The following STK32B variants were observed in gnomAD, a reference collection of about 807,000 sequenced individuals.
STK32B encodes serine/threonine kinase 32B, also known as serine/threonine-protein kinase 32B.
STK32B carries 43 observed loss-of-function variants against 52.6 expected under a neutral mutation model. The observed-to-expected ratio is 0.82, with a 90% CI of 0.64 to 1.05. The LOEUF (loss-of-function observed/expected upper bound fraction) is 1.05. STK32B is among the 50% of genes least tolerant of loss of function. The pLI is 0.00. For synonymous variants in STK32B, 238 were observed against 204.3 expected (o/e 1.17, Z -1.41); for missense variants, 621 against 534.6 (o/e 1.16, Z -1.59).
At chr4:5,446,381 C>G (rs748790076) in intron 6 of STK32B, among the ~76,000 whole-genome samples, 2 of 152,108 alleles carry the variant, frequency 1.3e-5, no homozygotes, top group Non-Finnish European at 2.9e-5. Flanking sequence ...GCCTGGCCAA[C>G]AAGGTGAAAC....
At chr4:5,365,899 G>A (rs887598412) in intron 4 of STK32B, among the ~76,000 whole-genome samples, 4 of 152,158 alleles carry the variant, frequency 2.6e-5, no homozygotes, top group Admixed American at 6.5e-5. Context: ...AAAGGGCAGC[G>A]TGAGAAAGGA....
chr4:5,251,676 T>G (rs1280971036), intron 3 of STK32B, among the ~76,000 whole-genome samples: 1 of 152,232 alleles, frequency 6.6e-6, no homozygotes. Context: ...AGTATGGTCA[T>G]TTTAACAATA....
intron 4 of STK32B, among the ~76,000 whole-genome samples, chr4:5,351,941 T>C (rs1340906239): frequency 6.6e-6 from 1 of 151,984 alleles, no homozygotes; most frequent in African/African-American, 2.4e-5. Flanking sequence ...CAAGTAATGA[T>C]ATTGAATTAG....
chr4:5,229,379 G>A (rs1180556619), intron 3 of STK32B, among the ~76,000 whole-genome samples: 1 of 152,130 alleles, frequency 6.6e-6, no homozygotes, highest in Non-Finnish European at 1.5e-5. Context: ...TAACAAAACT[G>A]CATTGGTACC....
intron 2 of STK32B, among the ~76,000 whole-genome samples, chr4:5,145,526 C>G (rs1296110619): frequency 1.3e-5 from 2 of 152,224 alleles, no homozygotes; most frequent in Non-Finnish European, 2.9e-5. Context: ...TCAAAGTCAA[C>G]TACTCCATCC....
chr4:5,458,051 TG>T (rs945865055), intron 8 of STK32B, among the ~76,000 whole-genome samples: 1 of 152,168 alleles, frequency 6.6e-6, no homozygotes, highest in Non-Finnish European at 1.5e-5. Context: ...TCCCAAGGTA[TG>T]GGCCTAGGAC....
At chr4:5,409,209 AAG>A (rs2109060773) in intron 5 of STK32B, among the ~76,000 whole-genome samples, 2 of 152,222 alleles carry the variant, frequency 1.3e-5, no homozygotes, top group African/African-American at 4.8e-5. Flanking sequence ...CCCTTGCTGC[AAG>A]AGAGTTAGAA....
intron 3 of STK32B, among the ~76,000 whole-genome samples, chr4:5,300,172 AAAAC>A (rs1280148030): frequency 1.3e-5 from 2 of 152,226 alleles, no homozygotes; most frequent in Non-Finnish European, 2.9e-5. Context: ...ACAGAATTTA[AAAAC>A]AAACCATATG....
At chr4:5,424,430 C>CCCACCCATGG (rs1462222633) in intron 6 of STK32B, among the ~76,000 whole-genome samples, 1 of 152,178 alleles carries the variant, frequency 6.6e-6, no homozygotes, top group Non-Finnish European at 1.5e-5. Context: ...TTTTTCCAGG[C>CCCACCCATGG]CCACCCATGG....
At chr4:5,152,696 G>A (rs982827633) in intron 2 of STK32B, among the ~76,000 whole-genome samples, 1 of 152,258 alleles carries the variant, frequency 6.6e-6, no homozygotes, top group African/African-American at 2.4e-5. Flanking sequence ...GTGCAGCATT[G>A]CCTGTCCTGC....
At chr4:5,122,277 CTCACCCAT>C (rs1431979771) in intron 1 of STK32B, among the ~76,000 whole-genome samples, 1 of 152,042 alleles carries the variant, frequency 6.6e-6, no homozygotes, top group African/African-American at 2.4e-5. Context: ...CATTCATTCA[CTCACCCAT>C]TCACTCACCC....
In STK32B at chr4:5,272,488, C is replaced by T. The variant is rs560233307; in HGVS notation, c.261-58732C>T. On this transcript the variant is annotated intron_variant, in intron 3 of 11. Coordinates refer to ENST00000282908, the MANE Select transcript of STK32B (RefSeq NM_018401.3). The stretch of plus-strand genomic sequence containing the variant: ...TCTCTTTTTTGGTTGTGTCTCTGCC[C>T]GGCTTTGGTATCAGAATGATGCTGG... Among the ~76,000 whole-genome samples, 350 of 146,884 alleles carry T rather than the reference C, an allele frequency of 2.4e-3. 1 individual carries two copies. Among genetic ancestry groups the T allele is most frequent in the Middle Eastern group, 6.9e-3 (2 of 290 alleles).
chr4:5,394,812 A>G lies in STK32B; in HGVS notation c.435-3395A>G, dbSNP rs546274335. Among the ~76,000 whole-genome samples, 1 of 152,390 alleles carries G rather than the reference A, an allele frequency of 6.6e-6. No individual in the cohort carries two copies. Among genetic ancestry groups the G allele is most frequent in the East Asian group, 1.9e-4 (1 of 5,192 alleles). ...AACAAGGCTGAGAGTAAGTGGCCCA[A>G]GATCATATAGCTAGAGAATTAGTTT... is the stretch of plus-strand genomic sequence containing the variant. On this transcript the variant is annotated intron_variant, in intron 4 of 11. Coordinates refer to ENST00000282908, the MANE Select transcript of STK32B (RefSeq NM_018401.3). This position sits in a 1 kb window ranked among gnomAD's most constrained non-coding sequence, Gnocchi z 4.2.
At chr4:5,221,190 T>C (rs1035893029) in intron 3 of STK32B, among the ~76,000 whole-genome samples, 1 of 152,218 alleles carries the variant, frequency 6.6e-6, no homozygotes, top group Non-Finnish European at 1.5e-5. Flanking sequence ...ATAGATCCAA[T>C]TCTTTTAATG....
intron 1 of STK32B, among the ~76,000 whole-genome samples, chr4:5,135,589 A>G (rs757908557): frequency 3.3e-5 from 5 of 152,214 alleles, no homozygotes; most frequent in African/African-American, 4.8e-5. Context: ...TTCCTAATAT[A>G]TTAAGTCCCA....
intron 4 of STK32B, among the ~76,000 whole-genome samples, chr4:5,366,917 T>C (rs1254296732): frequency 6.6e-6 from 1 of 152,132 alleles, no homozygotes; most frequent in Non-Finnish European, 1.5e-5. Flanking sequence ...GTTTGTTGCA[T>C]TCTTAGCCAC....
At position 5,316,252 on chromosome 4, in the gene STK32B, A is replaced by ATG. The variant is rs1730704065; in HGVS notation, c.261-14967_261-14966insGT. On this transcript the variant is annotated intron_variant, in intron 3 of 11. Transcript: ENST00000282908. ...ATATACAATATTATATATTGTATAT[A>ATG]TAATATATTATATAGTATATATAAT... Among the ~76,000 whole-genome samples, 3 of 64,208 alleles carry ATG rather than the reference A, an allele frequency of 4.7e-5. 1 individual carries two copies. In the South Asian group the frequency reaches 1.2e-3, roughly 25 times the overall value. The allele number at this position is 64,208 out of a possible 152,430, so 42.1% of individuals were successfully genotyped here. A position where few individuals can be genotyped will look rare whatever the true frequency, so the allele number is the denominator to read the frequency against.
At chr4:5,413,621 T>C (rs1560391791) in intron 5 of STK32B, among the ~76,000 whole-genome samples, 1 of 152,202 alleles carries the variant, frequency 6.6e-6, no homozygotes, top group Admixed American at 6.5e-5. Context: ...AAAACTTCTT[T>C]ATAGCAAAAG....
chr4:5,205,375 A>G (rs1372536956), intron 3 of STK32B, among the ~76,000 whole-genome samples: 1 of 152,144 alleles, frequency 6.6e-6, no homozygotes, highest in Non-Finnish European at 1.5e-5. Flanking sequence ...GTATCTATGT[A>G]TCTCTTACTG....
Sources: gnomAD v4.1 joint callset for allele counts (sites outside exome capture counted in the v4.1 genomes callset) on GRCh38, gnomAD v4.1.1 for gene constraint, Gnocchi (gnomAD v3.1) non-coding constraint, MANE v1.5 for transcripts, NCBI Gene and HGNC (gene_info 2026-07-23, HGNC 2026-07-21) for gene names.